Variants in KIAA1755 observed in about 807,000 individuals in gnomAD.
KIAA1755 encodes KIAA1755.
Under a neutral mutation model 91.7 loss-of-function variants are expected in KIAA1755, and 68 were observed. That is an observed-to-expected ratio of 0.74 (90% CI 0.61 to 0.91). KIAA1755 has a LOEUF of 0.91. Among genes scored for constraint, KIAA1755 ranks in the 40% least tolerant of loss-of-function variants. The pLI is 0.00. For missense variants in KIAA1755, 1,535 were observed against 1,494.4 expected (o/e 1.03, Z -0.45); for synonymous variants, 610 against 604.6 (o/e 1.01, Z -0.13).
intron 11 of KIAA1755, 110 bp from the exon 12 acceptor site, chr20:38,218,476 G>T: frequency 1.4e-6 from 2 of 1,433,780 alleles, no homozygotes; most frequent in Non-Finnish European, 1.9e-6. Flanking sequence ...TCATTCAGTG[G>T]CTAGGCCTGT....
chr20:38,223,459 C>T (rs939505156), intron 9 of KIAA1755, 79 bp downstream of exon 9: 3 of 930,510 alleles, frequency 3.2e-6, no homozygotes, highest in Non-Finnish European at 4.7e-6. Context: ...TTTCCCCAGG[C>T]CGTCCCCTTC....
chr20:38,246,201 G>T, intron 1 of KIAA1755, 75 bp from the exon 2 acceptor site: 1 of 1,225,846 alleles, frequency 8.2e-7, no homozygotes, highest in Non-Finnish European at 1.2e-6. Flanking sequence ...GACCTTCCAG[G>T]CCCCATATGC....
intron 4 of KIAA1755, chr20:38,236,838 G>A (rs2075969415): frequency 6.6e-6 from 1 of 152,176 alleles, no homozygotes; most frequent in South Asian, 2.1e-4. Flanking sequence ...AAAGGGTGAG[G>A]GTGGGAACAC....
intron 7 of KIAA1755, among the ~76,000 whole-genome samples, chr20:38,226,712 T>C (rs2075763033): frequency 6.6e-6 from 1 of 152,220 alleles, no homozygotes; most frequent in African/African-American, 2.4e-5. Context: ...CTGTATTAAT[T>C]AGGGCGAGAA....
At chr20:38,213,867 T>A in intron 13 of KIAA1755, 124 bp from the exon 14 acceptor site, 1 of 639,550 alleles carries the variant, frequency 1.6e-6, no homozygotes, top group Non-Finnish European at 2.5e-6. Flanking sequence ...CCACTGACCA[T>A]GATGACCCTG....
intron 1 of KIAA1755, among the ~76,000 whole-genome samples, chr20:38,251,786 G>GACA (rs2123317083): frequency 6.6e-6 from 1 of 152,208 alleles, no homozygotes; most frequent in South Asian, 2.1e-4. Flanking sequence ...AGCTGGTCTT[G>GACA]AACTCCTGAC....
chr20:38,228,750 C>T (rs969294968), intron 5 of KIAA1755, among the ~76,000 whole-genome samples: 1 of 152,050 alleles, frequency 6.6e-6, no homozygotes, highest in African/African-American at 2.4e-5. Context: ...AAAGAGGCTT[C>T]TGGGAAAGAC....
In KIAA1755 at chr20:38,246,036, C is replaced by A; in HGVS notation, c.94G>T (p.Val32Leu). Residue 32 changes from valine to leucine, a missense_variant, in exon 2 of 14, where the codon GTG becomes TTG. Transcript: ENST00000279024. ...EATAPTVLGQVFRLLDSGFQG... is the reference protein window; with the variant it reads ...EATAPTVLGQLFRLLDSGFQG... ...AAGCCAGAGTCCAGGAGACGGAACA[C>A]CTGACCCAGGACGGTGGGTGCTGTG... 2 of 1,614,186 alleles carry A rather than the reference C, an allele frequency of 1.2e-6. No homozygotes were observed. The highest frequency in any genetic ancestry group is 1.7e-6 in the Non-Finnish European group (2 of 1,180,044).
chr20:38,217,965 CTG>C (rs2075581785), intron 12 of KIAA1755: 1 of 481,714 alleles, frequency 2.1e-6, no homozygotes. Context: ...ACCCCCGGCT[CTG>C]TGAGGCTGAG....
intron 5 of KIAA1755, among the ~76,000 whole-genome samples, chr20:38,230,704 C>T (rs1356591012): frequency 6.6e-6 from 1 of 152,120 alleles, no homozygotes; most frequent in Non-Finnish European, 1.5e-5. Flanking sequence ...GCCTGACCAA[C>T]ATGGAAAAAT....
chr20:38,239,440 C>T lies in KIAA1755; in HGVS notation c.1747+88G>A. ...TAGAACCTAGGCCTCCAGGGCATTC[C>T]CTGCCTCCCCTCCACCCAACAGCAG... On this transcript the variant is annotated intron_variant, in intron 4 of 13. Coordinates refer to ENST00000279024, the MANE Select transcript of KIAA1755 (RefSeq NM_001029864.2). 3.3e-6 allele frequency: 4 copies of T among 1,226,858 alleles called. No individual in the cohort carries two copies. In the South Asian group the frequency reaches 5.0e-5, roughly 15 times the overall value. The allele number at this position is 1,226,858 out of a possible 1,614,324, so 76.0% of individuals were successfully genotyped here.
intron 4 of KIAA1755, among the ~76,000 whole-genome samples, chr20:38,232,079 G>T (rs1201775225): frequency 1.3e-5 from 2 of 152,112 alleles, no homozygotes; most frequent in African/African-American, 4.8e-5. Context: ...AGAGGCTCGG[G>T]CCTTGGGAAA....
Position 38,241,546 on chromosome 20 carries a change from A to G in KIAA1755, c.585T>C (p.Asn195=). The G allele has an allele frequency of 6.2e-7, 1 of 1,614,214 alleles. No homozygotes were observed. Among genetic ancestry groups the G allele is most frequent in the African/African-American group, 1.3e-5 (1 of 75,050 alleles). ...GGGGCCCCCAGGCTTGGCAGAGGGCATTCACTACTTGGGGTCTGTCATCCA... is the reference window on the plus strand; with the variant it reads ...GGGGCCCCCAGGCTTGGCAGAGGGCGTTCACTACTTGGGGTCTGTCATCCA... ...EFVDDRPQVV[N]ALCQAWGPLP... Residue 195 remains asparagine, a synonymous_variant, in exon 3 of 14, where the codon AAT becomes AAC. Coordinates refer to ENST00000279024, the MANE Select transcript of KIAA1755 (RefSeq NM_001029864.2).
chr20:38,239,830 A>G (rs929572110), intron 3 of KIAA1755, 105 bp from the exon 4 acceptor site: 19 of 1,048,374 alleles, frequency 1.8e-5, no homozygotes, highest in Non-Finnish European at 2.9e-6. Context: ...GCTTACAACT[A>G]TTGATCTCTC....
At chr20:38,254,975 G>C (rs1040704144) in intron 1 of KIAA1755, among the ~76,000 whole-genome samples, 5 of 152,036 alleles carry the variant, frequency 3.3e-5, no homozygotes, top group Admixed American at 2.0e-4. Context: ...TCAGGAGTTC[G>C]AGACCAGCCT....
In KIAA1755 at chr20:38,219,725, C is replaced by G. The variant is rs781316972; in HGVS notation, c.2461G>C (p.Glu821Gln). ...GCGGTGACCAGAACATGAAGCTGCT[C>G]GTCCACAAGGCTGTACAAGGCAGTG... is the stretch of plus-strand genomic sequence containing the variant. ...AATALYSLVD[E>Q]QLHVLVTASN... The change falls in exon 11 of 14, where the codon GAG becomes CAG. Residue 821 changes from glutamate (E) to glutamine (Q), a missense_variant. Transcript: ENST00000279024. 6.2e-7 allele frequency: 1 copy of G among 1,614,064 alleles called. No individual in the cohort carries two copies. Among genetic ancestry groups the G allele is most frequent in the Non-Finnish European group, 8.5e-7 (1 of 1,180,060 alleles).
At position 38,241,173 on chromosome 20, in the gene KIAA1755, T is replaced by A. The variant is rs755684226; in HGVS notation, c.958A>T (p.Ile320Leu). The A allele has an allele frequency of 4.3e-6, 7 of 1,614,042 alleles. No homozygotes were observed. The highest frequency in any genetic ancestry group is 5.9e-6 in the Non-Finnish European group (7 of 1,180,034). Residue 320 changes from isoleucine to leucine, a missense_variant, in exon 3 of 14, where the codon ATA (isoleucine) becomes TTA (leucine). By Grantham distance (5) the Ile-to-Leu change is conservative. Transcript: ENST00000279024. ...TCATTGGCCTCTGAGAGAGGCAGTATCTTTTGAAATAAGGGAGTTTCCTTA... is the reference window on the plus strand; with the variant it reads ...TCATTGGCCTCTGAGAGAGGCAGTAACTTTTGAAATAAGGGAGTTTCCTTA... ...GTKETPLFQK[I>L]LPLSEANEGP...
At chr20:38,218,747 G>A (rs557431179) in intron 11 of KIAA1755, among the ~76,000 whole-genome samples, 8 of 152,356 alleles carry the variant, frequency 5.3e-5, no homozygotes, top group Admixed American at 1.3e-4. Context: ...GTGTGTTTGT[G>A]TGCGCGTGCA....
At chr20:38,245,687 CCTT>C (rs1296071810) in intron 2 of KIAA1755, among the ~76,000 whole-genome samples, 1 of 152,160 alleles carries the variant, frequency 6.6e-6, no homozygotes, top group Admixed American at 6.5e-5. Flanking sequence ...TTTACTCAGG[CCTT>C]CTTCTCTGCT....
Sources: allele counts gnomAD v4.1 joint callset (sites outside exome capture counted in the v4.1 genomes callset), GRCh38; gene constraint gnomAD v4.1.1; transcripts MANE v1.5; gene names NCBI Gene and HGNC (gene_info 2026-07-23, HGNC 2026-07-21).